The following SLC45A2 variants were observed in gnomAD, a reference collection of about 807,000 sequenced individuals.
SLC45A2 encodes the protein membrane-associated transporter protein.
SLC45A2 carries 36 observed loss-of-function variants against 45.5 expected under a neutral mutation model. The ratio of observed to expected loss-of-function variants is 0.79; its 90% confidence interval spans 0.61 to 1.04. The LOEUF (loss-of-function observed/expected upper bound fraction) is 1.04. SLC45A2 is among the 50% of genes least tolerant of loss of function. The pLI is 0.00. For missense variants in SLC45A2, 719 were observed against 671.0 expected, an observed-to-expected ratio of 1.07 and a Z score of -0.79; for synonymous variants, 306 against 269.3, an observed-to-expected ratio of 1.14 and a Z score of -1.33.
chr5:33,946,051 TAAAC>T (rs2111897272), intron 6 of SLC45A2: 1 of 985,440 alleles, frequency 1.0e-6, no homozygotes, highest in African/African-American at 1.7e-5. Flanking sequence ...TGCTAACTAA[TAAAC>T]AAGTAAATAA....
intron 5 of SLC45A2, among the ~76,000 whole-genome samples, chr5:33,949,632 G>A (rs543944877): frequency 1.3e-5 from 2 of 152,030 alleles, no homozygotes; most frequent in Non-Finnish European, 2.9e-5. Flanking sequence ...AGAGCTGGCT[G>A]GTATTTTATA....
intron 5 of SLC45A2, among the ~76,000 whole-genome samples, chr5:33,948,760 AC>A (rs1317976078): frequency 1.3e-5 from 2 of 152,232 alleles, no homozygotes; most frequent in African/African-American, 4.8e-5. Flanking sequence ...GTGTCTCAAT[AC>A]CTAAAAGATA....
intron 2 of SLC45A2, among the ~76,000 whole-genome samples, chr5:33,966,260 TG>T (rs1383403363): frequency 6.6e-6 from 1 of 152,206 alleles, no homozygotes; most frequent in African/African-American, 2.4e-5. Context: ...TGCAGTTGCA[TG>T]TCTACTGGTT....
At chr5:33,959,290 C>T (rs2111945444) in intron 3 of SLC45A2, among the ~76,000 whole-genome samples, 1 of 152,260 alleles carries the variant, frequency 6.6e-6, no homozygotes, top group African/African-American at 2.4e-5. Context: ...CGGAAACATA[C>T]ATTTTTAATG....
chr5:33,963,047 G>A (rs997281321), intron 3 of SLC45A2, among the ~76,000 whole-genome samples: 4 of 152,236 alleles, frequency 2.6e-5, no homozygotes, highest in East Asian at 1.9e-4. Flanking sequence ...CATTTGAAAT[G>A]TAGCTAATGC....
At chr5:33,984,162 C>A in intron 1 of SLC45A2, 37 bp downstream of exon 1, 1 of 1,612,766 alleles carries the variant, frequency 6.2e-7, no homozygotes. Context: ...CACTAAGACA[C>A]ATATCCCTGT....
At chr5:33,947,051 T>C (rs1751950958) in intron 6 of SLC45A2, 112 bp downstream of exon 6, 2 of 1,610,236 alleles carry the variant, frequency 1.2e-6, no homozygotes, top group Non-Finnish European at 8.5e-7. Context: ...TGACTGTTGC[T>C]GTTTCAAGAA....
intron 2 of SLC45A2, among the ~76,000 whole-genome samples, chr5:33,980,282 C>T (rs62350889): frequency 3.5e-4 from 52 of 149,008 alleles, no homozygotes; most frequent in African/African-American, 1.3e-3. Flanking sequence ...AAAAAAAAAC[C>T]ATGATTTATA....
chr5:33,977,391 T>C (rs77183662), intron 2 of SLC45A2, among the ~76,000 whole-genome samples: 2,376 of 152,336 alleles, frequency 0.016, 71 homozygotes, highest in African/African-American at 0.055. Context: ...GATGGAGTTA[T>C]CTACCTCACT....
At chr5:33,977,346 T>G (rs948799358) in intron 2 of SLC45A2, among the ~76,000 whole-genome samples, 1 of 152,200 alleles carries the variant, frequency 6.6e-6, no homozygotes, top group African/African-American at 2.4e-5. Context: ...TCAGGATGTA[T>G]GTGTGATCAA....
chr5:33,972,319 T>C, intron 2 of SLC45A2: 1 of 399,676 alleles, frequency 2.5e-6, no homozygotes, highest in Admixed American at 3.1e-5. Context: ...ACACGGGATC[T>C]TGCTTTGCTG....
At chr5:33,963,567 G>A (rs1752510103) in intron 3 of SLC45A2, 124 bp downstream of exon 3, 3 of 1,071,388 alleles carry the variant, frequency 2.8e-6, no homozygotes. Context: ...GGGGATTTGG[G>A]AATTCAGTTA....
At chr5:33,978,226 A>T (rs1332754821) in intron 2 of SLC45A2, among the ~76,000 whole-genome samples, 1 of 152,220 alleles carries the variant, frequency 6.6e-6, no homozygotes, top group Non-Finnish European at 1.5e-5. Flanking sequence ...AGACTGCCAT[A>T]CAAAACACTC....
In SLC45A2 at chr5:33,960,961, C is replaced by A. The variant is rs541608638; in HGVS notation, c.888+2730G>T. Reference sequence around the variant, plus strand: ...TACTATCTGCAACTTTTTTGTAAATCTAATTAAACTTTGATTAAGAAAGCA... The same window carrying A: ...TACTATCTGCAACTTTTTTGTAAATATAATTAAACTTTGATTAAGAAAGCA... On this transcript the variant is annotated intron_variant, in intron 3 of 6. Transcript: ENST00000296589. Among the ~76,000 whole-genome samples, 3 of 152,212 alleles carry A rather than the reference C, an allele frequency of 2.0e-5. No homozygotes were observed. In the East Asian group the frequency reaches 5.8e-4, roughly 29 times the overall value.
chr5:33,954,273 C>G, intron 4 of SLC45A2, 88 bp downstream of exon 4: 2 of 1,575,404 alleles, frequency 1.3e-6, no homozygotes, highest in Non-Finnish European at 1.7e-6. Context: ...CTGTGCCAAT[C>G]TTAGAGGATA....
At chr5:33,979,557 A>G (rs1412334569) in intron 2 of SLC45A2, among the ~76,000 whole-genome samples, 2 of 152,228 alleles carry the variant, frequency 1.3e-5, no homozygotes, top group African/African-American at 4.8e-5. Flanking sequence ...CATAAGAGAC[A>G]GCTTTTCAGG....
intron 3 of SLC45A2, among the ~76,000 whole-genome samples, chr5:33,962,579 A>C (rs533665862): frequency 1.3e-5 from 2 of 152,348 alleles, no homozygotes; most frequent in East Asian, 3.8e-4. Context: ...GCCTAAACCC[A>C]ACAGCTTATT....
chr5:33,951,430 C>A, intron 5 of SLC45A2, 124 bp downstream of exon 5: 1 of 1,593,338 alleles, frequency 6.3e-7, no homozygotes, highest in Non-Finnish European at 8.5e-7. Context: ...TTTTTCCTGA[C>A]GTCCATAGAT....
intron 2 of SLC45A2, among the ~76,000 whole-genome samples, chr5:33,964,345 A>G (rs1752541844): frequency 6.6e-6 from 1 of 152,228 alleles, no homozygotes; most frequent in Admixed American, 6.5e-5. Context: ...GGGCTTACTA[A>G]GTATTGCTAC....
Sources: allele counts gnomAD v4.1 joint callset (sites outside exome capture counted in the v4.1 genomes callset), GRCh38; gene constraint gnomAD v4.1.1; transcripts MANE v1.5; gene names NCBI Gene and HGNC (gene_info 2026-07-23, HGNC 2026-07-21).